Variants in SYNPR observed in about 807,000 individuals in gnomAD.
SYNPR encodes synaptoporin.
A neutral mutation model predicts 32.9 loss-of-function variants in SYNPR; 23 were observed. The observed-to-expected ratio is 0.70, with a 90% CI of 0.50 to 0.99. The LOEUF (loss-of-function observed/expected upper bound fraction) is 0.99. Among genes scored for constraint, SYNPR ranks in the 50% least tolerant of loss-of-function variants. SYNPR has a pLI of 0.00. For missense variants in SYNPR, 318 were observed against 349.3 expected (o/e 0.91, Z 0.71); for synonymous variants, 146 against 135.9 (o/e 1.07, Z -0.52).
intron 2 of SYNPR, chr3:63,443,593 T>A: frequency 9.3e-7 from 1 of 1,070,806 alleles, no homozygotes. Flanking sequence ...AAGTCTCTAG[T>A]AATAATCTCT....
chr3:63,288,092 G>A (rs918027444), intron 2 of SYNPR, among the ~76,000 whole-genome samples: 4 of 152,106 alleles, frequency 2.6e-5, no homozygotes, highest in African/African-American at 9.7e-5. Context: ...GAAAGAATAT[G>A]ATTGGTTCAA....
At chr3:63,540,960 C>CACACACACACACACACAT (rs778647610) in intron 3 of SYNPR, among the ~76,000 whole-genome samples, 3 of 147,882 alleles carry the variant, frequency 2.0e-5, no homozygotes, top group African/African-American at 7.4e-5. Context: ...CACACACACA[C>CACACACACACACACACAT]ATATACATAG....
intron 4 of SYNPR, among the ~76,000 whole-genome samples, chr3:63,588,291 T>C (rs150325304): frequency 9.2e-5 from 14 of 152,132 alleles, no homozygotes; most frequent in African/African-American, 3.4e-4. Flanking sequence ...TAGTCTAGAG[T>C]ACATGTGAGA....
chr3:63,324,803 T>G (rs566993743), intron 2 of SYNPR, among the ~76,000 whole-genome samples: 1 of 152,036 alleles, frequency 6.6e-6, no homozygotes, highest in Admixed American at 6.6e-5. Context: ...TACCAGACAC[T>G]GGGTTGCAGC....
chr3:63,219,749 A>C, the SYNPR span, among the ~76,000 whole-genome samples: 1 of 152,162 alleles, frequency 6.6e-6, no homozygotes, highest in Non-Finnish European at 1.5e-5. Flanking sequence ...AGTAGATCAT[A>C]ATGAAGGTCT....
At chr3:63,337,525 CA>C (rs990774124) in intron 2 of SYNPR, among the ~76,000 whole-genome samples, 1 of 152,102 alleles carries the variant, frequency 6.6e-6, no homozygotes, top group African/African-American at 2.4e-5. Context: ...TACCCAAATG[CA>C]TTAAAAACTA....
In SYNPR at chr3:63,232,192, C is replaced by CTTTTTTTT. The variant is rs57078088; in HGVS notation, n.66+3832_66+3839dup. Among the ~76,000 whole-genome samples the CTTTTTTTT allele has an allele frequency of 1.5e-3, 91 of 59,536 alleles. 14 individuals are homozygous for CTTTTTTTT. Among genetic ancestry groups the CTTTTTTTT allele is most frequent in the East Asian group, 4.2e-3 (5 of 1,180 alleles). 39.1% of individuals were successfully genotyped at this position (59,536 alleles called of 152,430 possible). ...CTCAAGTGAGTATTTCAGATTCTGA[C>CTTTTTTTT]TTTTTTTTTTTTTTTTTTTTTTTTT... On this transcript the variant is annotated intron_variant and non_coding_transcript_variant, in intron 1 of 4. Coordinates refer to the SYNPR transcript ENST00000478456.
chr3:63,223,760 A>G (rs1468915711), upstream of SYNPR, among the ~76,000 whole-genome samples: 1 of 152,212 alleles, frequency 6.6e-6, no homozygotes, highest in Non-Finnish European at 1.5e-5. Flanking sequence ...CCATAGCACC[A>G]TATTTTCTCT....
chr3:63,467,571 A>G (rs1008179489), intron 2 of SYNPR, among the ~76,000 whole-genome samples: 2 of 152,228 alleles, frequency 1.3e-5, no homozygotes, highest in Non-Finnish European at 2.9e-5. Context: ...ATGAGATTTC[A>G]ATGATATGAT....
intron 2 of SYNPR, among the ~76,000 whole-genome samples, chr3:63,417,478 G>A (rs1038797185): frequency 5.3e-5 from 8 of 152,342 alleles, no homozygotes; most frequent in African/African-American, 1.7e-4. Flanking sequence ...GAAGGCAGTG[G>A]CCCTCTTCTC....
chr3:63,497,502 G>A (rs987623204), intron 3 of SYNPR, among the ~76,000 whole-genome samples: 1 of 151,546 alleles, frequency 6.6e-6, no homozygotes, highest in Non-Finnish European at 1.5e-5. Flanking sequence ...TGTCAAGAGA[G>A]AGTAAATGCC....
intron 2 of SYNPR, among the ~76,000 whole-genome samples, chr3:63,390,983 G>A (rs1200537388): frequency 6.6e-6 from 1 of 152,222 alleles, no homozygotes; most frequent in African/African-American, 2.4e-5. Flanking sequence ...GCCAAGAATA[G>A]TGCAGGGCCG....
rs116065146 is a variant in SYNPR, at chr3:63,320,390, T to C, written c.84+41648T>C. Among the ~76,000 whole-genome samples the C allele has an allele frequency of 6.1e-3, 935 of 152,218 alleles. 13 individuals carry two copies. Among genetic ancestry groups the C allele is most frequent in the African/African-American group, 0.02 (839 of 41,566 alleles). ...AATCATTTTATGGCCACCATATCTT[T>C]TGAAAACATTCCTATTCCTTCTGGT... On this transcript the variant is annotated intron_variant, in intron 2 of 5. Coordinates refer to ENST00000478300, the MANE Select transcript of SYNPR (RefSeq NM_001130003.2).
intron 4 of SYNPR, among the ~76,000 whole-genome samples, chr3:63,596,251 T>C (rs573945276): frequency 1.9e-4 from 28 of 149,004 alleles, no homozygotes; most frequent in African/African-American, 6.4e-4. Flanking sequence ...TCATCCTCAA[T>C]TCCTTCCCCC....
intron 3 of SYNPR, among the ~76,000 whole-genome samples, chr3:63,528,817 T>C (rs1024862510): frequency 1.3e-5 from 2 of 151,880 alleles, no homozygotes; most frequent in African/African-American, 4.8e-5. Context: ...CTGCCCAGAG[T>C]TTGGTGCAAT....
intron 2 of SYNPR, among the ~76,000 whole-genome samples, chr3:63,285,142 CT>C (rs2086668680): frequency 6.6e-6 from 1 of 152,276 alleles, no homozygotes; most frequent in Non-Finnish European, 1.5e-5. Context: ...CAGTCATCAA[CT>C]TACATATTTG....
chr3:63,350,214 A>G (rs1299926759), intron 2 of SYNPR, among the ~76,000 whole-genome samples: 1 of 60,588 alleles, frequency 1.7e-5, no homozygotes, highest in African/African-American at 6.6e-5. Context: ...ATATTATTCT[A>G]CACACACACA....
chr3:63,585,866 T>C (rs1490579292), intron 4 of SYNPR, among the ~76,000 whole-genome samples: 2 of 152,134 alleles, frequency 1.3e-5, no homozygotes, highest in African/African-American at 4.8e-5. Context: ...CCAAAGGCTA[T>C]GTGCCTAAGA....
chr3:63,596,541 G>A (rs1353221594), intron 4 of SYNPR, among the ~76,000 whole-genome samples: 4 of 151,932 alleles, frequency 2.6e-5, no homozygotes, highest in Non-Finnish European at 5.9e-5. Flanking sequence ...CCTGTGGGCC[G>A]CCCACCTCCT....
Sources: allele counts gnomAD v4.1 joint callset (sites outside exome capture counted in the v4.1 genomes callset), GRCh38; gene constraint gnomAD v4.1.1; transcripts MANE v1.5; gene names NCBI Gene and HGNC (gene_info 2026-07-23, HGNC 2026-07-21).